The following FCGR3A variants were observed in gnomAD, a reference collection of about 807,000 sequenced individuals.
The protein encoded by FCGR3A is Fc gamma receptor IIIa.
Under a neutral mutation model 24.1 loss-of-function variants are expected in FCGR3A, and 13 were observed. The observed-to-expected ratio is 0.54, with a 90% CI of 0.35 to 0.86. FCGR3A has a LOEUF of 0.86. Among genes scored for constraint, FCGR3A ranks in the 40% least tolerant of loss-of-function variants. FCGR3A has a pLI of 0.01. For synonymous variants in FCGR3A, 93 were observed against 112.2 expected (o/e 0.83, Z 1.08); for missense variants, 235 against 298.0 (o/e 0.79, Z 1.56).
chr1:161,544,374 G>A (rs1421137873), intron 4 of FCGR3A, among the ~76,000 whole-genome samples: 16 of 151,832 alleles, frequency 1.1e-4, no homozygotes, highest in African/African-American at 3.6e-4. Flanking sequence ...AGGCCAGCAC[G>A]ATAGGAACAT....
intron 4 of FCGR3A, among the ~76,000 whole-genome samples, chr1:161,544,424 G>T (rs530528372): frequency 1.9e-4 from 29 of 151,906 alleles, no homozygotes; most frequent in Admixed American, 4.6e-4. Flanking sequence ...AAAGACAGAG[G>T]TATTTATTGG....
At position 161,542,882 on chromosome 1, in the gene FCGR3A, A is replaced by T. The variant is rs1474307384; in HGVS notation, c.*130T>A. Reference sequence around the variant, plus strand: ...ACCAAGGAAAAGTCGAGAGTTGGATAAGGGATCTGGCTCTGAGTTCTATGT... The same window carrying T: ...ACCAAGGAAAAGTCGAGAGTTGGATTAGGGATCTGGCTCTGAGTTCTATGT... On this transcript the variant is annotated 3_prime_UTR_variant, in exon 5 of 5. Transcript: ENST00000443193. 23 of 724,352 alleles carry T rather than the reference A, an allele frequency of 3.2e-5. No individual in the cohort carries two copies. In the African/African-American group the frequency reaches 3.7e-4, roughly 12 times the overall value. 44.9% of individuals were successfully genotyped at this position (724,352 alleles called of 1,614,324 possible). A position where few individuals can be genotyped will look rare whatever the true frequency, so the allele number is the denominator to read the frequency against.
intron 3 of FCGR3A, among the ~76,000 whole-genome samples, chr1:161,547,754 A>G (rs1659068684): frequency 6.6e-6 from 1 of 152,268 alleles, no homozygotes; most frequent in African/African-American, 2.4e-5. Flanking sequence ...AGGTCCTAAC[A>G]CCAAATTCAT....
rs562423136 is a variant in FCGR3A at position 161,546,537 on chromosome 1, A to G, written c.320-1579T>C. Among the ~76,000 whole-genome samples, 116 of 152,190 alleles carry G rather than the reference A, an allele frequency of 7.6e-4. 3 individuals carry two copies. The highest frequency in any genetic ancestry group is 4.3e-3 in the Admixed American group (65 of 15,284). ...AGAAATAATCACAATACAATATGAC[A>G]AGTGCTACAACAGGCTAAGAATAAA... On this transcript the variant is annotated intron_variant, in intron 3 of 4. Transcript: ENST00000443193.
chr1:161,550,196 C>T, upstream of FCGR3A: 1 of 477,756 alleles, frequency 2.1e-6, no homozygotes, highest in Non-Finnish European at 3.7e-6. Flanking sequence ...CACTCTCCTG[C>T]CTCGCCCAGA....
Position 161,549,116 on chromosome 1 carries a change from C to T in FCGR3A, c.41-85G>A, listed in dbSNP as rs1461062085. 1.5e-5 allele frequency: 17 copies of T among 1,145,754 alleles called. No homozygotes were observed. In the African/African-American group the frequency reaches 2.6e-4, roughly 17 times the overall value. 71.0% of individuals were successfully genotyped at this position (1,145,754 alleles called of 1,614,324 possible). On this transcript the variant is annotated intron_variant, in intron 1 of 4. Coordinates refer to ENST00000443193, the MANE Select transcript of FCGR3A (RefSeq NM_000569.8). ...ATAGAGTGAGTTTAAAACTCCCCTG[C>T]CCTCCTCTGCCCCAGGAGCCCAATT...
At chr1:161,547,517 G>A (rs1036566861) in intron 3 of FCGR3A, among the ~76,000 whole-genome samples, 5 of 152,300 alleles carry the variant, frequency 3.3e-5, no homozygotes, top group Admixed American at 6.5e-5. Context: ...TGTGTCTGAC[G>A]TCTATATTCT....
intron 3 of FCGR3A, 93 bp from the exon 4 acceptor site, chr1:161,545,051 A>C: frequency 6.5e-7 from 1 of 1,538,472 alleles, no homozygotes; most frequent in Non-Finnish European, 8.8e-7. Flanking sequence ...CCTGAGACAT[A>C]AGGGAAAGCC....
chr1:161,550,137 T>G (rs552411159), upstream of FCGR3A: 124 of 522,844 alleles, frequency 2.4e-4, no homozygotes, highest in African/African-American at 1.7e-3. Context: ...AGATTCAAGG[T>G]GGGAGGAGCA....
At chr1:161,549,936 G>A (rs889498996), upstream of FCGR3A, 8 of 1,475,176 alleles carry the variant, frequency 5.4e-6, no homozygotes, top group African/African-American at 8.4e-5. Context: ...AACAGGACCA[G>A]GAAGGAAAGA....
At chr1:161,547,051 G>T (rs1677449326) in intron 3 of FCGR3A, among the ~76,000 whole-genome samples, 1 of 152,134 alleles carries the variant, frequency 6.6e-6, no homozygotes, top group Non-Finnish European at 1.5e-5. Context: ...CATGGTCACA[G>T]TTTAATATAG....
chr1:161,549,944 A>G, upstream of FCGR3A: 1 of 1,409,904 alleles, frequency 7.1e-7, no homozygotes, highest in East Asian at 2.3e-5. Flanking sequence ...CAGGAAGGAA[A>G]GAGCCTGGAG....
At chr1:161,543,989 G>T (rs1403127743) in intron 4 of FCGR3A, among the ~76,000 whole-genome samples, 1 of 152,278 alleles carries the variant, frequency 6.6e-6, no homozygotes, top group African/African-American at 2.4e-5. Context: ...TTTACTTACT[G>T]GTTAAATATA....
In FCGR3A at chr1:161,544,772, G is replaced by A. The variant is rs748628174; in HGVS notation, c.506C>T (p.Ser169Phe). Residue 169 changes from serine to phenylalanine, a missense_variant, in exon 4 of 5, where the codon TCC (serine) becomes TTC (phenylalanine). Coordinates refer to ENST00000443193, the MANE Select transcript of FCGR3A (RefSeq NM_000569.8). ...IPKATLKDSG[S>F]YFCRGLFGSK... ...CCCAAAAAGCCCCCTGCAGAAGTAG[G>A]AGCCGCTGTCTTTGAGTGTGGCTTT... is the stretch of plus-strand genomic sequence containing the variant. 1.2e-6 allele frequency: 2 copies of A among 1,613,522 alleles called. No homozygotes were observed. The highest frequency in any genetic ancestry group is 3.3e-5 in the Admixed American group (2 of 59,984).
At chr1:161,547,899 G>C (rs1677503523) in intron 3 of FCGR3A, among the ~76,000 whole-genome samples, 1 of 152,290 alleles carries the variant, frequency 6.6e-6, no homozygotes, top group Admixed American at 6.5e-5. Context: ...GTGAAACCCT[G>C]TCTCTACTAA....
chr1:161,543,394 G>A (rs1218587146), intron 4 of FCGR3A, among the ~76,000 whole-genome samples, 195 bp from the exon 5 acceptor site: 1 of 152,144 alleles, frequency 6.6e-6, no homozygotes, highest in African/African-American at 2.4e-5. Flanking sequence ...GCAGAGGACA[G>A]CTCACCAAAC....
At position 161,542,778 on chromosome 1, in the gene FCGR3A, A is replaced by C. The variant is rs1398703141; in HGVS notation, c.*234T>G. 4.8e-6 allele frequency: 2 copies of C among 419,358 alleles called. No homozygotes were observed. Among genetic ancestry groups the C allele is most frequent in the Non-Finnish European group, 8.6e-6 (2 of 232,924 alleles). 26.0% of individuals were successfully genotyped at this position (419,358 alleles called of 1,614,324 possible). A position where few individuals can be genotyped will look rare whatever the true frequency, so the allele number is the denominator to read the frequency against. On this transcript the variant is annotated 3_prime_UTR_variant, in exon 5 of 5. Coordinates refer to ENST00000443193, the MANE Select transcript of FCGR3A (RefSeq NM_000569.8). The stretch of plus-strand genomic sequence containing the variant: ...CAGAAAAAGTGTTTGTGTAGCTCTG[A>C]AACTTCAATTTCTAGGAATGCAGCT...
At chr1:161,543,996 T>C (rs1449248119) in intron 4 of FCGR3A, among the ~76,000 whole-genome samples, 1 of 152,308 alleles carries the variant, frequency 6.6e-6, no homozygotes, top group Non-Finnish European at 1.5e-5. Context: ...ACTGGTTAAA[T>C]ATACAGGCTT....
intron 3 of FCGR3A, among the ~76,000 whole-genome samples, chr1:161,548,122 A>G (rs1439893749): frequency 1.3e-5 from 2 of 152,284 alleles, no homozygotes; most frequent in African/African-American, 4.8e-5. Context: ...ACTATTATTG[A>G]GCATCTATGC....
Sources: allele counts gnomAD v4.1 joint callset (sites outside exome capture counted in the v4.1 genomes callset), GRCh38; gene constraint gnomAD v4.1.1; transcripts MANE v1.5; gene names NCBI Gene and HGNC (gene_info 2026-07-23, HGNC 2026-07-21).